Variants in ANKRD11 observed in about 807,000 individuals in gnomAD.
ANKRD11 encodes the protein ankyrin repeat domain-containing protein 11.
In ANKRD11, 17 loss-of-function variants were observed where a neutral mutation model predicts 195.7. That is an observed-to-expected ratio of 0.09 (90% confidence interval 0.06 to 0.13). The LOEUF (loss-of-function observed/expected upper bound fraction) is 0.13. ANKRD11 is among the 10% of genes least tolerant of loss of function. The pLI is 1.00. For synonymous variants in ANKRD11, 1,953 were observed against 1,528.1 expected, an observed-to-expected ratio of 1.28 and a Z score of -6.49; for missense variants, 3,735 against 3,566.1, an observed-to-expected ratio of 1.05 and a Z score of -1.21.
intron 3 of ANKRD11, among the ~76,000 whole-genome samples, chr16:89,309,627 G>A (rs754468368): frequency 3.3e-5 from 5 of 152,346 alleles, no homozygotes; most frequent in African/African-American, 9.6e-5. Context: ...AACAGGGAGC[G>A]TGGCACAGCC....
rs116298354 is a variant in ANKRD11 at position 89,399,155 on chromosome 16, G to A, written c.-60+19129C>T. The stretch of plus-strand genomic sequence containing the variant: ...GAGCAGGAGCATGATGACACAGCAC[G>A]AGTCCACGCAAGGACACCTCCTCAT... On this transcript the variant is annotated intron_variant, in intron 2 of 12. Transcript: ENST00000301030. Among the ~76,000 whole-genome samples, 208 of 152,232 alleles carry A rather than the reference G, an allele frequency of 1.4e-3. 2 individuals are homozygous for A. Among genetic ancestry groups the A allele is most frequent in the African/African-American group, 4.8e-3 (201 of 41,528 alleles).
chr16:89,370,104 A>C (rs1484281262), intron 2 of ANKRD11, among the ~76,000 whole-genome samples: 2 of 152,214 alleles, frequency 1.3e-5, no homozygotes, highest in South Asian at 2.1e-4. Flanking sequence ...GGCAGGAAGA[A>C]GACACACTGC....
At chr16:89,406,546 G>T (rs961941170) in intron 2 of ANKRD11, among the ~76,000 whole-genome samples, 3 of 152,198 alleles carry the variant, frequency 2.0e-5, no homozygotes, top group African/African-American at 7.2e-5. Flanking sequence ...AGGCACCAGA[G>T]GCTGCAGCGA....
chr16:89,354,829 G>T (rs1219629197), intron 2 of ANKRD11, among the ~76,000 whole-genome samples: 5 of 151,942 alleles, frequency 3.3e-5, no homozygotes, highest in Non-Finnish European at 5.9e-5. Context: ...GGAGGTTGCA[G>T]TGAGCCGAGA....
chr16:89,429,928 G>T (rs559888396), intron 1 of ANKRD11, among the ~76,000 whole-genome samples: 14 of 81,132 alleles, frequency 1.7e-4, no homozygotes, highest in African/African-American at 7.1e-4. Context: ...ACACAGCAGG[G>T]ACTCTCAACT....
chr16:89,384,320 C>A (rs991251392), intron 2 of ANKRD11, among the ~76,000 whole-genome samples: 4 of 152,174 alleles, frequency 2.6e-5, no homozygotes, highest in African/African-American at 9.7e-5. Context: ...CACCTGAGGT[C>A]AGGAGTTCGA....
intron 1 of ANKRD11, among the ~76,000 whole-genome samples, chr16:89,479,957 A>G (rs1162524006): frequency 6.6e-6 from 1 of 151,264 alleles, no homozygotes; most frequent in East Asian, 1.9e-4. Context: ...AAAAAAAAAA[A>G]AAAACTAGCC....
rs578041940 is a variant in ANKRD11 at position 89,383,513 on chromosome 16, T to C, written c.-60+34771A>G. Reference sequence around the variant, plus strand: ...CCTCGGGGCCATGTCCAGTGGACGCTGCTGCCTCCTGTGTCTGCAAGAAGG... The same window carrying C: ...CCTCGGGGCCATGTCCAGTGGACGCCGCTGCCTCCTGTGTCTGCAAGAAGG... On this transcript the variant is annotated intron_variant, in intron 2 of 12. Coordinates refer to ENST00000301030, the MANE Select transcript of ANKRD11 (RefSeq NM_013275.6). Among the ~76,000 whole-genome samples the C allele has an allele frequency of 3.9e-5, 6 of 152,362 alleles. No individual in the cohort carries two copies. The South Asian group carries it at 1.2e-3, about 32-fold the overall frequency.
intron 1 of ANKRD11, among the ~76,000 whole-genome samples, chr16:89,477,545 C>T (rs1409378826): frequency 1.3e-5 from 2 of 151,824 alleles, no homozygotes; most frequent in African/African-American, 4.8e-5. Flanking sequence ...TTAGAAGAGA[C>T]AGGGTTTCAC....
intron 1 of ANKRD11, among the ~76,000 whole-genome samples, chr16:89,473,846 C>A (rs963296421): frequency 2.6e-5 from 4 of 152,214 alleles, no homozygotes; most frequent in Non-Finnish European, 4.4e-5. Flanking sequence ...GCTTCTAACC[C>A]ACAGAATGTG....
At position 89,285,310 on chromosome 16, in the gene ANKRD11, G is replaced by A. The variant is rs1414996600; in HGVS notation, c.1232C>T (p.Ser411Leu). ...GGTGACACTCGCGTCCTCCTCGTCC[G>A]ACGTGTCTGACAGGATACGATGGGA... is the stretch of plus-strand genomic sequence containing the variant. ...KASHRILSDT[S>L]DEEDASVTVG... Residue 411 changes from serine (S) to leucine (L), a missense_variant, in exon 9 of 13, where the codon TCG becomes TTG. Ser to Leu is a moderately radical substitution (Grantham distance 145). Coordinates refer to ENST00000301030, the MANE Select transcript of ANKRD11 (RefSeq NM_013275.6). The surrounding 1 kb of genome is among the most constrained non-coding windows in gnomAD (Gnocchi z 5.6). The A allele has an allele frequency of 3.7e-6, 6 of 1,613,934 alleles. No homozygotes were observed. The highest frequency in any genetic ancestry group is 2.2e-5 in the East Asian group (1 of 44,886).
chr16:89,452,824 AAAGTT>A (rs1383272009), intron 1 of ANKRD11, among the ~76,000 whole-genome samples: 3 of 150,876 alleles, frequency 2.0e-5, no homozygotes, highest in South Asian at 2.1e-4. Flanking sequence ...GGTATCTTTG[AAAGTT>A]AAGAGGTCCT....
chr16:89,316,394 G>A (rs924590596), intron 3 of ANKRD11, among the ~76,000 whole-genome samples: 6 of 152,008 alleles, frequency 3.9e-5, no homozygotes, highest in African/African-American at 7.3e-5. Context: ...AGCAGCACCC[G>A]CCAATACTGC....
At chr16:89,351,595 G>C (rs1007217442) in intron 2 of ANKRD11, among the ~76,000 whole-genome samples, 5 of 152,208 alleles carry the variant, frequency 3.3e-5, no homozygotes, top group African/African-American at 1.2e-4. Flanking sequence ...GCTTCTCTCT[G>C]TGTTTGGCAT....
rs150236869 is a variant in ANKRD11 at position 89,284,919 on chromosome 16, C to G, written c.1623G>C (p.Gln541His). The change falls in exon 9 of 13, where the codon CAG (glutamine) becomes CAC (histidine). Residue 541 changes from glutamine (Q) to histidine (H), a missense_variant. Transcript: ENST00000301030. ...AQKQNPSHTD[Q>H]HTKHWRTDNW... Reference sequence around the variant, plus strand: ...TGTCTGTCCGCCAGTGCTTGGTGTGCTGGTCTGTGTGGCTGGGGTTCTGCT... The same window carrying G: ...TGTCTGTCCGCCAGTGCTTGGTGTGGTGGTCTGTGTGGCTGGGGTTCTGCT... The G allele has an allele frequency of 8.7e-6, 14 of 1,614,058 alleles. No homozygotes were observed. In the African/African-American group the frequency reaches 1.6e-4, roughly 18 times the overall value.
In ANKRD11 at chr16:89,462,232, G is replaced by A. The variant is rs79847711; in HGVS notation, c.-145+28013C>T. 5.3e-5 allele frequency among the ~76,000 whole-genome samples: 8 copies of A among 152,314 alleles called. No individual in the cohort carries two copies. In the East Asian group the frequency reaches 7.7e-4, roughly 15 times the overall value. On this transcript the variant is annotated intron_variant, in intron 1 of 12. Coordinates refer to ENST00000301030, the MANE Select transcript of ANKRD11 (RefSeq NM_013275.6). ...GTGCCTGCGATTGCAGGCTCACGCC[G>A]CCACGCCTGACTGGTTTTGGTGGAG...
intron 2 of ANKRD11, among the ~76,000 whole-genome samples, chr16:89,380,141 C>T (rs558749668): frequency 1.3e-5 from 2 of 152,196 alleles, no homozygotes; most frequent in South Asian, 4.1e-4. Context: ...GAGACAGAGT[C>T]TCATTCTGTC....
chr16:89,449,006 T>A (rs2152311088), intron 1 of ANKRD11, among the ~76,000 whole-genome samples: 1 of 152,286 alleles, frequency 6.6e-6, no homozygotes, highest in Admixed American at 6.5e-5. Context: ...TCTTTTATTC[T>A]TTGCTACTTC....
chr16:89,321,781 AC>A (rs1044696219), intron 2 of ANKRD11, among the ~76,000 whole-genome samples: 2 of 152,116 alleles, frequency 1.3e-5, no homozygotes, highest in African/African-American at 4.8e-5. Flanking sequence ...ACCATGAACA[AC>A]CTGGGTCTGG....
Sources: allele counts gnomAD v4.1 joint callset (sites outside exome capture counted in the v4.1 genomes callset), GRCh38; gene constraint gnomAD v4.1.1; non-coding constraint Gnocchi (gnomAD v3.1); transcripts MANE v1.5; gene names NCBI Gene and HGNC (gene_info 2026-07-23, HGNC 2026-07-21).